The following OSBPL1A variants were observed in gnomAD, a reference collection of about 807,000 sequenced individuals.
OSBPL1A encodes the protein oxysterol binding protein like 1A.
Under a neutral mutation model 137.1 loss-of-function variants are expected in OSBPL1A, and 80 were observed. The ratio of observed to expected loss-of-function variants is 0.58; its 90% CI spans 0.49 to 0.70. The LOEUF (loss-of-function observed/expected upper bound fraction) is 0.70, where lower values mean the gene tolerates loss of function less well. Among genes scored for constraint, OSBPL1A ranks in the 30% least tolerant of loss-of-function variants. OSBPL1A has a pLI of 0.00. For missense variants in OSBPL1A, 970 were observed against 1,129.4 expected (o/e 0.86, Z 2.02); for synonymous variants, 365 against 389.7 (o/e 0.94, Z 0.75).
intron 2 of OSBPL1A, among the ~76,000 whole-genome samples, chr18:24,370,790 C>T (rs1288351056): frequency 6.6e-6 from 1 of 152,190 alleles, no homozygotes; most frequent in African/African-American, 2.4e-5. Context: ...ACCTCAGCCT[C>T]CCGAGTAGCC....
chr18:24,373,802 G>A (rs1002512219), intron 2 of OSBPL1A, among the ~76,000 whole-genome samples: 1 of 152,128 alleles, frequency 6.6e-6, no homozygotes, highest in Non-Finnish European at 1.5e-5. Flanking sequence ...CACTATTCAC[G>A]CCTGGTCTTG....
At chr18:24,198,218 T>C (rs987059212) in intron 17 of OSBPL1A, among the ~76,000 whole-genome samples, 2 of 152,210 alleles carry the variant, frequency 1.3e-5, no homozygotes, top group African/African-American at 2.4e-5. Context: ...TGACATTAAA[T>C]GTATAGACCG....
rs1363490323 is a variant in OSBPL1A at position 24,287,791 on chromosome 18, A to ATAAAT, written c.1175-6844_1175-6843insATTTA. On this transcript the variant is annotated intron_variant, in intron 14 of 27. Transcript: ENST00000319481. ...TGTCTCAAAAATAAAATAAAATAAA[A>ATAAAT]TAAAATAAAATAAAATAAAATAAAA... is the stretch of plus-strand genomic sequence containing the variant. Among the ~76,000 whole-genome samples, 5 of 151,204 alleles carry ATAAAT rather than the reference A, an allele frequency of 3.3e-5. No individual in the cohort carries two copies. In the East Asian group the frequency reaches 9.7e-4, roughly 29 times the overall value.
chr18:24,364,278 G>C (rs2091671011), intron 4 of OSBPL1A, among the ~76,000 whole-genome samples: 1 of 152,150 alleles, frequency 6.6e-6, no homozygotes, highest in Non-Finnish European at 1.5e-5. Flanking sequence ...AAAGGAGAGG[G>C]GGCCTTGCAA....
chr18:24,218,392 G>A (rs927904646), intron 17 of OSBPL1A: 8 of 152,230 alleles, frequency 5.3e-5, no homozygotes, highest in Admixed American at 5.2e-4. Flanking sequence ...TTCATGAAGT[G>A]TCCCATATTT....
chr18:24,239,368 T>C lies in OSBPL1A; in HGVS notation c.1296A>G (p.Lys432=). The C allele has an allele frequency of 6.2e-7, 1 of 1,613,736 alleles. No individual in the cohort carries two copies. Among genetic ancestry groups the C allele is most frequent in the South Asian group, 1.1e-5 (1 of 91,066 alleles). Residue 432 remains lysine, a synonymous_variant, in exon 16 of 28, where the codon AAA becomes AAG. Transcript: ENST00000319481. ...FTKQEGVRNF[K]LEQEQEKNKI... ...TGTTTTTTTCTTGCTCTTGTTCCAA[T>C]TTAAAATTCCTCACCTAGAAGAAAA...
chr18:24,294,174 G>C (rs1487345606), intron 14 of OSBPL1A, among the ~76,000 whole-genome samples: 1 of 151,538 alleles, frequency 6.6e-6, no homozygotes, highest in Non-Finnish European at 1.5e-5. Context: ...TAAGATTTTA[G>C]TGCACCCATC....
intron 2 of OSBPL1A, among the ~76,000 whole-genome samples, chr18:24,375,644 C>T (rs999456399): frequency 6.6e-6 from 1 of 152,108 alleles, no homozygotes; most frequent in East Asian, 1.9e-4. Flanking sequence ...AGTTTCACAC[C>T]TCTCCCATGA....
chr18:24,235,219 G>A (rs543010813), intron 16 of OSBPL1A, among the ~76,000 whole-genome samples: 1 of 152,366 alleles, frequency 6.6e-6, no homozygotes, highest in South Asian at 2.1e-4. Context: ...ACCAAGATCA[G>A]TTAAGAGGCT....
At chr18:24,316,789 C>T (rs927001484) in intron 11 of OSBPL1A, among the ~76,000 whole-genome samples, 5 of 152,090 alleles carry the variant, frequency 3.3e-5, no homozygotes, top group African/African-American at 1.2e-4. Flanking sequence ...GTCCCTACAA[C>T]CAACAACAAT....
At chr18:24,180,464 TG>T (rs1481189750) in intron 19 of OSBPL1A, among the ~76,000 whole-genome samples, 9 of 39,550 alleles carry the variant, frequency 2.3e-4, no homozygotes, top group East Asian at 3.6e-3. Flanking sequence ...TTCTATTTTG[TG>T]TGTGTGTGTG....
At chr18:24,178,974 C>A (rs1267179328) in intron 20 of OSBPL1A, 1 of 152,162 alleles carries the variant, frequency 6.6e-6, no homozygotes, top group Non-Finnish European at 1.5e-5. Context: ...TGGCTTCATG[C>A]AAACAATATA....
chr18:24,340,946 T>C (rs1270509376), intron 5 of OSBPL1A, among the ~76,000 whole-genome samples: 1 of 152,222 alleles, frequency 6.6e-6, no homozygotes, highest in Non-Finnish European at 1.5e-5. Context: ...TCTAATTTTC[T>C]ACTTTGAATT....
rs1039110766 is a variant in OSBPL1A, at chr18:24,246,991, C to T, written c.1282-7609G>A. ...GGACGACTCCATGTTTTGGCTTGGG[C>T]AACTACAAGGACTGTGTCTCAAAAA... On this transcript the variant is annotated intron_variant, in intron 15 of 27. Transcript: ENST00000319481. Among the ~76,000 whole-genome samples, 7 of 152,104 alleles carry T rather than the reference C, an allele frequency of 4.6e-5. No individual in the cohort carries two copies. In the East Asian group the frequency reaches 1.4e-3, roughly 29 times the overall value.
intron 15 of OSBPL1A, among the ~76,000 whole-genome samples, chr18:24,248,172 A>G (rs533882633): frequency 5.3e-5 from 8 of 152,330 alleles, no homozygotes; most frequent in African/African-American, 1.9e-4. Flanking sequence ...TTTTCTTCTA[A>G]TTGCTTCTGC....
chr18:24,302,990 T>C (rs1045905561), intron 14 of OSBPL1A, among the ~76,000 whole-genome samples: 1 of 151,658 alleles, frequency 6.6e-6, no homozygotes, highest in African/African-American at 2.4e-5. Context: ...TGTGTGTGTG[T>C]GTGTGGGTGT....
intron 17 of OSBPL1A, among the ~76,000 whole-genome samples, chr18:24,216,445 T>G (rs574347042): frequency 6.6e-6 from 1 of 152,294 alleles, no homozygotes; most frequent in Non-Finnish European, 1.5e-5. Flanking sequence ...AGGCAGGGGT[T>G]GCAGTGAGCC....
In OSBPL1A at chr18:24,171,645, C is replaced by T. The variant is rs189202368; in HGVS notation, c.2202-147G>A. On this transcript the variant is annotated intron_variant, in intron 22 of 27. Coordinates refer to ENST00000319481, the MANE Select transcript of OSBPL1A (RefSeq NM_080597.4). ...CCATACTAAAGTGATAATGATTAAT[C>T]CTCAATTGGTAATCTTCCCACCATA... 8.6e-4 allele frequency: 541 copies of T among 631,252 alleles called. 2 individuals carry two copies. The highest frequency in any genetic ancestry group is 1.7e-3 in the Middle Eastern group (4 of 2,322). The allele number at this position is 631,252 out of a possible 1,614,324, so 39.1% of individuals were successfully genotyped here.
intron 2 of OSBPL1A, among the ~76,000 whole-genome samples, chr18:24,376,940 G>A (rs1323601138): frequency 6.6e-6 from 1 of 152,216 alleles, no homozygotes; most frequent in Admixed American, 6.5e-5. Context: ...AACGCCGCGC[G>A]CAGCCCTGGT....
Sources: allele counts gnomAD v4.1 joint callset (sites outside exome capture counted in the v4.1 genomes callset), GRCh38; gene constraint gnomAD v4.1.1; transcripts MANE v1.5; gene names NCBI Gene and HGNC (gene_info 2026-07-23, HGNC 2026-07-21).